Variants in WNK2 observed in about 807,000 individuals in gnomAD.
WNK2 encodes the protein serine/threonine-protein kinase WNK2.
WNK2 carries 67 observed loss-of-function variants against 192.1 expected under a neutral mutation model. The ratio of observed to expected loss-of-function variants is 0.35; its 90% CI spans 0.29 to 0.43. The LOEUF (loss-of-function observed/expected upper bound fraction) is 0.43, where lower values mean the gene tolerates loss of function less well. WNK2 is among the 20% of genes least tolerant of loss of function. The pLI is 1.00. For synonymous variants in WNK2, 1,439 were observed against 1,393.9 expected, an observed-to-expected ratio of 1.03 and a Z score of -0.72; for missense variants, 2,698 against 3,089.7, an observed-to-expected ratio of 0.87 and a Z score of 3.01.
intron 2 of WNK2, among the ~76,000 whole-genome samples, chr9:93,218,148 C>T (rs1273578575): frequency 6.6e-6 from 1 of 152,154 alleles, no homozygotes; most frequent in African/African-American, 2.4e-5. Flanking sequence ...GGGGGCAGGG[C>T]AGCCGCAGGA....
chr9:93,188,021 A>T lies in WNK2; in HGVS notation c.681+2411A>T, dbSNP rs553572878. The stretch of plus-strand genomic sequence containing the variant: ...GGCTCTCTTAGTCCACAGTGTGGAG[A>T]TGCCATCCTGCACATGACCGCTAGC... On this transcript the variant is annotated intron_variant, in intron 2 of 29. Coordinates refer to ENST00000427277, the MANE Select transcript of WNK2 (RefSeq NM_006648.4). 7.2e-5 allele frequency among the ~76,000 whole-genome samples: 11 copies of T among 152,188 alleles called. No homozygotes were observed. The South Asian group carries it at 1.9e-3, about 26-fold the overall frequency.
At chr9:93,315,120 G>C (rs1854383551) in intron 28 of WNK2, among the ~76,000 whole-genome samples, 1 of 152,158 alleles carries the variant, frequency 6.6e-6, no homozygotes, top group Non-Finnish European at 1.5e-5. Flanking sequence ...ACCATACCAG[G>C]AAAGCCACGT....
intron 2 of WNK2, among the ~76,000 whole-genome samples, chr9:93,198,544 T>G (rs1276967897): frequency 6.6e-6 from 1 of 151,630 alleles, no homozygotes; most frequent in Non-Finnish European, 1.5e-5. Flanking sequence ...GCCCGGGCAT[T>G]GGGTTTCATG....
At chr9:93,313,358 T>G (rs577847751) in intron 28 of WNK2, among the ~76,000 whole-genome samples, 1 of 152,260 alleles carries the variant, frequency 6.6e-6, no homozygotes, top group African/African-American at 2.4e-5. Context: ...TATTGTGTTT[T>G]TCAGTTGAAT....
At chr9:93,265,141 C>T (rs914591719) in intron 16 of WNK2, among the ~76,000 whole-genome samples, 16 of 152,242 alleles carry the variant, frequency 1.1e-4, no homozygotes, top group African/African-American at 3.9e-4. Flanking sequence ...ATTCTTCTGA[C>T]GCTTGCTACA....
At chr9:93,209,216 A>G (rs1171473128) in intron 2 of WNK2, among the ~76,000 whole-genome samples, 1 of 152,070 alleles carries the variant, frequency 6.6e-6, no homozygotes, top group African/African-American at 2.4e-5. Flanking sequence ...CGGCCTCCCT[A>G]GGGTACAGAG....
chr9:93,216,966 C>CTT (rs201411351), intron 2 of WNK2, among the ~76,000 whole-genome samples: 21,657 of 147,066 alleles, frequency 0.15, 1,593 homozygotes, highest in South Asian at 0.29. Context: ...TCAAAAAAAT[C>CTT]TTTTTTTTTT....
rs528465018 is a variant in WNK2, at chr9:93,225,452, G to A, written c.682-4244G>A. Among the ~76,000 whole-genome samples, 10 of 152,286 alleles carry A rather than the reference G, an allele frequency of 6.6e-5. No homozygotes were observed. In the South Asian group the frequency reaches 1.9e-3, roughly 28 times the overall value. On this transcript the variant is annotated intron_variant, in intron 2 of 29. Coordinates refer to ENST00000427277, the MANE Select transcript of WNK2 (RefSeq NM_006648.4). Reference sequence around the variant, plus strand: ...ACATTGATTAAAATAGTCGTGTGGTGTAGAATATAAAATGAGATCCTCTTC... The same window carrying A: ...ACATTGATTAAAATAGTCGTGTGGTATAGAATATAAAATGAGATCCTCTTC...
In WNK2 at chr9:93,262,764, C is replaced by T. The variant is rs367684614; in HGVS notation, c.3410+45C>T. The T allele has an allele frequency of 2.9e-4, 465 of 1,594,168 alleles. 4 individuals are homozygous for T. In the African/African-American group the frequency reaches 5.2e-3, roughly 18 times the overall value. On this transcript the variant is annotated intron_variant, in intron 14 of 29. Coordinates refer to ENST00000427277, the MANE Select transcript of WNK2 (RefSeq NM_006648.4). ...ACCTCGCAGGACGGGTGTAGGGGCG[C>T]AGGCCTGTACAGCCACTCAGCCTGG...
chr9:93,271,550 C>T (rs1481904990), intron 19 of WNK2, among the ~76,000 whole-genome samples: 1 of 152,066 alleles, frequency 6.6e-6, no homozygotes, highest in African/African-American at 2.4e-5. Context: ...TGCAAAGAAA[C>T]AGAAGATGCA....
intron 2 of WNK2, among the ~76,000 whole-genome samples, chr9:93,227,302 AC>A (rs1837989241): frequency 6.6e-6 from 1 of 151,632 alleles, no homozygotes; most frequent in Non-Finnish European, 1.5e-5. Context: ...TTTAGTAGAG[AC>A]GGGGTTTCAC....
chr9:93,220,930 G>A (rs1836756826), intron 2 of WNK2, among the ~76,000 whole-genome samples: 2 of 152,200 alleles, frequency 1.3e-5, no homozygotes, highest in Admixed American at 6.5e-5. Context: ...TGGCCTTCAT[G>A]GCTCCATTCT....
intron 3 of WNK2, among the ~76,000 whole-genome samples, 188 bp downstream of exon 3, chr9:93,230,056 T>C (rs1213752273): frequency 6.6e-6 from 1 of 152,178 alleles, no homozygotes; most frequent in Non-Finnish European, 1.5e-5. Flanking sequence ...GATCTGTCTA[T>C]GGTGTCTGGG....
chr9:93,263,866 G>A (rs1007560467), intron 15 of WNK2, 51 bp from the exon 16 acceptor site: 18 of 1,473,920 alleles, frequency 1.2e-5, no homozygotes, highest in African/African-American at 2.8e-5. Context: ...GGGGTGTGGC[G>A]GGTGCACGTG....
intron 26 of WNK2, among the ~76,000 whole-genome samples, chr9:93,300,882 G>A (rs763978601): frequency 1.2e-4 from 18 of 152,276 alleles, no homozygotes; most frequent in South Asian, 6.2e-4. Flanking sequence ...GGAGAGTGAC[G>A]GCCACCTGGG....
chr9:93,237,486 G>A (rs967205964), intron 5 of WNK2, among the ~76,000 whole-genome samples: 1 of 152,148 alleles, frequency 6.6e-6, no homozygotes, highest in African/African-American at 2.4e-5. Context: ...TTCATCTCGA[G>A]TTCTATTTGG....
rs1838389613 is a variant in WNK2 at position 93,229,592 on chromosome 9, T to A, written c.682-104T>A. Reference sequence around the variant, plus strand: ...ATAGCCGCTTAGCTGCCTGTGGGTATGGGAAGGGCTGGTCCTACTGTGTGG... The same window carrying A: ...ATAGCCGCTTAGCTGCCTGTGGGTAAGGGAAGGGCTGGTCCTACTGTGTGG... On this transcript the variant is annotated intron_variant, in intron 2 of 29. Transcript: ENST00000427277. The surrounding 1 kb of genome is among the most constrained non-coding windows in gnomAD (Gnocchi z 4.9). The A allele has an allele frequency of 7.6e-7, 1 of 1,312,110 alleles. No individual in the cohort carries two copies. The highest frequency in any genetic ancestry group is 1.5e-5 in the African/African-American group (1 of 67,776). 81.3% of individuals were successfully genotyped at this position (1,312,110 alleles called of 1,614,324 possible).
intron 29 of WNK2, chr9:93,317,904 G>C: frequency 6.3e-7 from 1 of 1,593,104 alleles, no homozygotes; most frequent in Non-Finnish European, 8.6e-7. Flanking sequence ...GGAGAAACCA[G>C]GTGTGGTTTG....
At chr9:93,244,731 G>A (rs1841386943) in intron 7 of WNK2, among the ~76,000 whole-genome samples, 1 of 152,236 alleles carries the variant, frequency 6.6e-6, no homozygotes, top group South Asian at 2.1e-4. Context: ...GGCCAAGCAG[G>A]TCTGGCTGGC....
Sources: allele counts gnomAD v4.1 joint callset (sites outside exome capture counted in the v4.1 genomes callset), GRCh38; gene constraint gnomAD v4.1.1; non-coding constraint Gnocchi (gnomAD v3.1); transcripts MANE v1.5; gene names NCBI Gene and HGNC (gene_info 2026-07-23, HGNC 2026-07-21).